The following TCERG1L variants were observed in gnomAD, a reference collection of about 807,000 sequenced individuals.
TCERG1L encodes the protein transcription elongation regulator 1 like, also known as transcription elongation regulator 1-like protein.
A neutral mutation model predicts 56.3 loss-of-function variants in TCERG1L; 37 were observed. The observed-to-expected ratio is 0.66, with a 90% CI of 0.51 to 0.87. TCERG1L has a LOEUF of 0.87. TCERG1L is among the 40% of genes least tolerant of loss of function. The pLI is 0.00. For synonymous variants in TCERG1L, 324 were observed against 326.3 expected, an observed-to-expected ratio of 0.99 and a Z score of 0.08; for missense variants, 799 against 774.2, an observed-to-expected ratio of 1.03 and a Z score of -0.38.
chr10:131,244,997 G>A (rs1233303754), intron 4 of TCERG1L, among the ~76,000 whole-genome samples: 2 of 152,216 alleles, frequency 1.3e-5, no homozygotes, highest in African/African-American at 4.8e-5. Flanking sequence ...GGGACTGGGT[G>A]GGAGTGTGCT....
chr10:131,125,208 C>CATGATGATGATGGTG (rs71009952), intron 8 of TCERG1L, among the ~76,000 whole-genome samples: 75,018 of 151,382 alleles, frequency 0.5, 19,412 homozygotes, highest in Admixed American at 0.57. Flanking sequence ...TGGTGATGAA[C>CATGATGATGATGGTG]ATGATGATGA....
At chr10:131,182,973 G>A (rs1324062027) in intron 4 of TCERG1L, among the ~76,000 whole-genome samples, 1 of 152,190 alleles carries the variant, frequency 6.6e-6, no homozygotes, top group African/African-American at 2.4e-5. Flanking sequence ...GTGCGCTAAA[G>A]GATAAAAACA....
chr10:131,288,228 A>G (rs1846567385), intron 3 of TCERG1L, among the ~76,000 whole-genome samples: 1 of 152,142 alleles, frequency 6.6e-6, no homozygotes, highest in African/African-American at 2.4e-5. Context: ...CCAACTCTCT[A>G]AGGAAAAGTG....
chr10:131,106,336 C>T (rs1845351402), intron 9 of TCERG1L, among the ~76,000 whole-genome samples: 2 of 152,184 alleles, frequency 1.3e-5, no homozygotes, highest in South Asian at 4.1e-4. Flanking sequence ...CAGACCTGGA[C>T]ACTAGTGGGA....
At chr10:131,303,216 T>C (rs1846785133) in intron 3 of TCERG1L, among the ~76,000 whole-genome samples, 1 of 152,110 alleles carries the variant, frequency 6.6e-6, no homozygotes, top group African/African-American at 2.4e-5. Context: ...TCTTCCACAA[T>C]GGTTGAACTA....
At chr10:131,197,234 T>G (rs116396921) in intron 4 of TCERG1L, among the ~76,000 whole-genome samples, 1,622 of 151,816 alleles carry the variant, frequency 0.011, 17 homozygotes, top group African/African-American at 0.037. Context: ...CAGGCTGCAG[T>G]GCAATGGCAA....
chr10:131,272,603 G>C (rs1846351760), intron 3 of TCERG1L, among the ~76,000 whole-genome samples: 1 of 152,150 alleles, frequency 6.6e-6, no homozygotes, highest in African/African-American at 2.4e-5. Flanking sequence ...CAGTGCTCAG[G>C]AAGTGTCTGT....
chr10:131,230,966 G>A (rs908871846), intron 4 of TCERG1L, among the ~76,000 whole-genome samples: 3 of 151,058 alleles, frequency 2.0e-5, no homozygotes, highest in African/African-American at 7.2e-5. Flanking sequence ...AGGGACACAT[G>A]CCCTGAGCAC....
intron 9 of TCERG1L, among the ~76,000 whole-genome samples, chr10:131,114,806 T>A (rs1845439160): frequency 6.6e-6 from 1 of 152,152 alleles, no homozygotes. Context: ...TGGACGTTAG[T>A]AAGATAAAAG....
chr10:131,216,501 G>A (rs1178092264), intron 4 of TCERG1L, among the ~76,000 whole-genome samples: 5 of 152,202 alleles, frequency 3.3e-5, no homozygotes, highest in Admixed American at 6.5e-5. Flanking sequence ...CTCTATAGTA[G>A]ATTTTAACAT....
chr10:131,308,243 G>A lies in TCERG1L; in HGVS notation c.638C>T (p.Pro213Leu). Residue 213 changes from proline to leucine, a missense_variant, in exon 3 of 12, where the codon CCC becomes CTC. Pro to Leu is a moderately conservative substitution (Grantham distance 98). Coordinates refer to ENST00000368642, the MANE Select transcript of TCERG1L (RefSeq NM_174937.4). ...SRPAPASRPL[P>L]TVVLAPQPIP... The stretch of plus-strand genomic sequence containing the variant: ...GGGCTGAGGTGCTAACACCACCGTG[G>A]GGAGCGGCCTGGAGGCAGGAGCCGG... 2 of 1,613,870 alleles carry A rather than the reference G, an allele frequency of 1.2e-6. No individual in the cohort carries two copies. The highest frequency in any genetic ancestry group is 1.7e-6 in the Non-Finnish European group (2 of 1,179,840).
intron 8 of TCERG1L, among the ~76,000 whole-genome samples, chr10:131,117,632 G>A (rs764773316): frequency 3.5e-4 from 53 of 152,270 alleles, no homozygotes; most frequent in Admixed American, 1.2e-3. Flanking sequence ...CCAAGGGTGG[G>A]GAGGAAGGGA....
At chr10:131,254,223 G>A (rs1037937116) in intron 4 of TCERG1L, among the ~76,000 whole-genome samples, 1 of 150,842 alleles carries the variant, frequency 6.6e-6, no homozygotes, top group Non-Finnish European at 1.5e-5. Context: ...GGTGCAGGTG[G>A]GTCACACAGA....
intron 4 of TCERG1L, among the ~76,000 whole-genome samples, chr10:131,169,617 C>T (rs1283689548): frequency 6.6e-6 from 1 of 152,126 alleles, no homozygotes; most frequent in Non-Finnish European, 1.5e-5. Context: ...CAGCAAAGAG[C>T]AAGTCCCAGG....
intron 3 of TCERG1L, among the ~76,000 whole-genome samples, chr10:131,264,153 G>T (rs970293880): frequency 7.4e-5 from 11 of 148,662 alleles, no homozygotes; most frequent in African/African-American, 2.7e-4. Flanking sequence ...CCAGCCAGAA[G>T]CTTCTCCCTG....
At chr10:131,093,378 A>T in intron 11 of TCERG1L, 60 bp from the exon 12 acceptor site, 1 of 1,579,076 alleles carries the variant, frequency 6.3e-7, no homozygotes, top group South Asian at 1.1e-5. Context: ...CTCCCCAGAG[A>T]TCCTGCAGCG....
intron 8 of TCERG1L, among the ~76,000 whole-genome samples, chr10:131,122,132 T>C (rs1383420737): frequency 6.6e-6 from 1 of 152,248 alleles, no homozygotes; most frequent in East Asian, 1.9e-4. Context: ...ATGTTAGGCC[T>C]ATGATATAAT....
intron 4 of TCERG1L, among the ~76,000 whole-genome samples, chr10:131,198,099 C>T (rs929890601): frequency 7.9e-5 from 12 of 152,324 alleles, no homozygotes; most frequent in Admixed American, 2.0e-4. Context: ...TCACCTGTGG[C>T]GACATGCCCA....
At chr10:131,179,058 G>A (rs920310697) in intron 4 of TCERG1L, among the ~76,000 whole-genome samples, 5 of 152,172 alleles carry the variant, frequency 3.3e-5, no homozygotes, top group African/African-American at 1.2e-4. Context: ...GGGAGGCTGA[G>A]CCCGCGTCGG....
Sources: gnomAD v4.1 joint callset for allele counts (sites outside exome capture counted in the v4.1 genomes callset) on GRCh38, gnomAD v4.1.1 for gene constraint, MANE v1.5 for transcripts, NCBI Gene and HGNC (gene_info 2026-07-23, HGNC 2026-07-21) for gene names.